Variants in FAF1 observed in about 807,000 individuals in gnomAD.
The protein encoded by FAF1 is FAS-associated factor 1.
In FAF1, 25 loss-of-function variants were observed where a neutral mutation model predicts 92.5. The observed-to-expected ratio is 0.27, with a 90% CI of 0.20 to 0.38. The LOEUF (loss-of-function observed/expected upper bound fraction) is 0.38. Ranked by LOEUF, FAF1 falls within the 10% of genes least tolerant of loss-of-function variation. The probability of loss-of-function intolerance (pLI) is 1.00; values close to 1 mark genes in which losing one functional copy is unlikely to be tolerated. For missense variants in FAF1, 636 were observed against 793.3 expected, an observed-to-expected ratio of 0.80 and a Z score of 2.38; for synonymous variants, 234 against 273.2, an observed-to-expected ratio of 0.86 and a Z score of 1.42.
At chr1:50,713,520 C>T (rs1448765432) in intron 6 of FAF1, among the ~76,000 whole-genome samples, 2 of 152,116 alleles carry the variant, frequency 1.3e-5, no homozygotes, top group South Asian at 2.1e-4. Flanking sequence ...GTGATCTGCC[C>T]GCCTTGGCCT....
chr1:50,708,015 G>A (rs1657761174), intron 6 of FAF1, among the ~76,000 whole-genome samples: 4 of 152,158 alleles, frequency 2.6e-5, no homozygotes, highest in Admixed American at 2.6e-4. Flanking sequence ...TCACTATGTT[G>A]GTCACACTGG....
intron 15 of FAF1, among the ~76,000 whole-genome samples, chr1:50,532,123 T>C (rs1572813159): frequency 1.3e-5 from 2 of 152,302 alleles, no homozygotes; most frequent in Admixed American, 6.5e-5. Context: ...GAAATGCTTT[T>C]CTTAGGAACT....
chr1:50,704,843 C>T (rs1657607764), intron 7 of FAF1, among the ~76,000 whole-genome samples: 1 of 151,862 alleles, frequency 6.6e-6, no homozygotes, highest in Admixed American at 6.6e-5. Context: ...TTCATTAACA[C>T]AATATAAAAA....
At chr1:50,554,480 T>C (rs1356514200) in intron 13 of FAF1, among the ~76,000 whole-genome samples, 2 of 151,620 alleles carry the variant, frequency 1.3e-5, no homozygotes, top group Admixed American at 6.6e-5. Flanking sequence ...ACTTAATTAA[T>C]GGTTGTAGTT....
intron 6 of FAF1, among the ~76,000 whole-genome samples, chr1:50,718,819 T>C (rs1658294825): frequency 2.0e-5 from 3 of 152,222 alleles, no homozygotes; most frequent in Admixed American, 2.0e-4. Flanking sequence ...TGATCTACAA[T>C]ATTATTTTTA....
chr1:50,870,360 G>C (rs1191506526), intron 1 of FAF1, among the ~76,000 whole-genome samples: 1 of 152,210 alleles, frequency 6.6e-6, no homozygotes, highest in Non-Finnish European at 1.5e-5. Flanking sequence ...GGAAGGCTGA[G>C]GCAAGAAAAT....
At chr1:50,741,869 C>T (rs561653963) in intron 5 of FAF1, among the ~76,000 whole-genome samples, 1 of 152,060 alleles carries the variant, frequency 6.6e-6, no homozygotes, top group Non-Finnish European at 1.5e-5. Flanking sequence ...GTTTGAGACA[C>T]CAATAAGATA....
At chr1:50,576,248 C>G (rs780323953) in intron 12 of FAF1, among the ~76,000 whole-genome samples, 2 of 152,182 alleles carry the variant, frequency 1.3e-5, no homozygotes, top group Non-Finnish European at 2.9e-5. Flanking sequence ...CTATCATCAT[C>G]ATGTTTTTTC....
intron 7 of FAF1, among the ~76,000 whole-genome samples, chr1:50,690,803 C>T (rs1029525868): frequency 1.3e-5 from 2 of 152,164 alleles, no homozygotes; most frequent in African/African-American, 4.8e-5. Context: ...CTTGCCTACT[C>T]TCGGCATTTG....
chr1:50,791,339 AC>A (rs1661556279), intron 3 of FAF1, among the ~76,000 whole-genome samples: 1 of 152,190 alleles, frequency 6.6e-6, no homozygotes, highest in Non-Finnish European at 1.5e-5. Context: ...CTGTTTTTTG[AC>A]TTCAAATCCA....
intron 4 of FAF1, among the ~76,000 whole-genome samples, chr1:50,757,254 T>C (rs1381035141): frequency 6.6e-6 from 1 of 152,210 alleles, no homozygotes; most frequent in Non-Finnish European, 1.5e-5. Flanking sequence ...GTAAGTCAAA[T>C]TGGTTTCTAT....
intron 8 of FAF1, among the ~76,000 whole-genome samples, chr1:50,629,935 G>A (rs1653688612): frequency 6.6e-6 from 1 of 151,950 alleles, no homozygotes; most frequent in Admixed American, 6.6e-5. Flanking sequence ...GCACATGCCT[G>A]TAATCCCAGC....
In FAF1 at chr1:50,744,720, C is replaced by T; in HGVS notation, c.423G>A (p.Leu141=). The change falls in exon 5 of 19, where the codon CTG becomes CTA. Residue 141 remains leucine (L), a synonymous_variant. Coordinates refer to ENST00000396153, the MANE Select transcript of FAF1 (RefSeq NM_007051.3). The stretch of plus-strand genomic sequence containing the variant: ...CATCTCCCGTCTTCCAGCCTTTTAA[C>T]AGCATTTTGGACACAGGTATCTGAA... ...NELQIPVSKM[L]LKGWKTGDVE... 6.2e-7 allele frequency: 1 copy of T among 1,611,318 alleles called. No individual in the cohort carries two copies. Among genetic ancestry groups the T allele is most frequent in the Non-Finnish European group, 8.5e-7 (1 of 1,178,690 alleles).
At chr1:50,648,797 A>G (rs1165310475) in intron 8 of FAF1, among the ~76,000 whole-genome samples, 1 of 152,156 alleles carries the variant, frequency 6.6e-6, no homozygotes, top group Non-Finnish European at 1.5e-5. Flanking sequence ...GTGGTGGCGC[A>G]TGCCTGTAAT....
intron 15 of FAF1, among the ~76,000 whole-genome samples, chr1:50,526,806 T>G (rs1469469080): frequency 6.6e-6 from 1 of 151,984 alleles, no homozygotes; most frequent in East Asian, 1.9e-4. Flanking sequence ...TAGCAGCCAA[T>G]GAGGGTTCAG....
chr1:50,634,454 G>T (rs1653924110), intron 8 of FAF1, among the ~76,000 whole-genome samples: 1 of 152,186 alleles, frequency 6.6e-6, no homozygotes, highest in South Asian at 2.1e-4. Context: ...TGTTACAGCT[G>T]TTCAAATGCA....
chr1:50,870,285 C>T lies in FAF1; in HGVS notation c.46-12288G>A, dbSNP rs373804697. Among the ~76,000 whole-genome samples the T allele has an allele frequency of 1.2e-4, 18 of 152,272 alleles. No individual in the cohort carries two copies. In the East Asian group the frequency reaches 2.3e-3, roughly 20 times the overall value. The stretch of plus-strand genomic sequence containing the variant: ...CAGCCTGGGCAACACAGTGAAACCC[C>T]GTCTCTACTAAAATACAAAAAATTA... On this transcript the variant is annotated intron_variant, in intron 1 of 18. Transcript: ENST00000396153.
intron 13 of FAF1, among the ~76,000 whole-genome samples, chr1:50,554,297 T>G (rs1332868989): frequency 1.3e-5 from 2 of 150,674 alleles, no homozygotes; most frequent in East Asian, 1.9e-4. Context: ...CACAAATAGT[T>G]TCCTCACATG....
chr1:50,622,785 G>A (rs1653275447), intron 8 of FAF1, among the ~76,000 whole-genome samples: 1 of 152,122 alleles, frequency 6.6e-6, no homozygotes, highest in South Asian at 2.1e-4. Flanking sequence ...GGATATCCCT[G>A]AAAATACTGT....
Sources: gnomAD v4.1 joint callset for allele counts (sites outside exome capture counted in the v4.1 genomes callset) on GRCh38, gnomAD v4.1.1 for gene constraint, MANE v1.5 for transcripts, NCBI Gene and HGNC (gene_info 2026-07-23, HGNC 2026-07-21) for gene names.